SLC35D2: variants seen among roughly 807,000 people sequenced by gnomAD.
The protein encoded by SLC35D2 is nucleotide sugar transporter SLC35D2.
Under a neutral mutation model 41.8 loss-of-function variants are expected in SLC35D2, and 43 were observed. That is an observed-to-expected ratio of 1.03 (90% CI 0.81 to 1.33). The LOEUF (loss-of-function observed/expected upper bound fraction) is 1.33, where lower values mean the gene tolerates loss of function less well. Ranked by LOEUF, SLC35D2 falls within the 40% of genes most tolerant of loss-of-function variation. The probability of loss-of-function intolerance (pLI) is 0.00; values close to 1 mark genes in which losing one functional copy is unlikely to be tolerated. For missense variants in SLC35D2, 380 were observed against 408.4 expected (o/e 0.93, Z 0.60); for synonymous variants, 150 against 163.9 (o/e 0.92, Z 0.65).
downstream of SLC35D2, among the ~76,000 whole-genome samples, chr9:96,319,359 CTT>C (rs950503379): frequency 6.6e-6 from 1 of 152,008 alleles, no homozygotes; most frequent in African/African-American, 2.4e-5. Flanking sequence ...AATGGGAGTT[CTT>C]GTTTCATGGG....
chr9:96,366,354 T>C (rs1251408803), intron 2 of SLC35D2, among the ~76,000 whole-genome samples: 1 of 149,078 alleles, frequency 6.7e-6, no homozygotes, highest in Non-Finnish European at 1.5e-5. Flanking sequence ...AAAATAAATA[T>C]ACTAACACTT....
At chr9:96,344,718 G>C (rs1309437962) in intron 7 of SLC35D2, among the ~76,000 whole-genome samples, 1 of 147,282 alleles carries the variant, frequency 6.8e-6, no homozygotes, top group African/African-American at 2.6e-5. Flanking sequence ...AGCTGGGGGT[G>C]GGGGAGGGAT....
chr9:96,316,264 G>A (rs1248483924), downstream of SLC35D2, among the ~76,000 whole-genome samples: 5 of 152,290 alleles, frequency 3.3e-5, no homozygotes, highest in East Asian at 9.7e-4. Context: ...ACTTTGGGAG[G>A]CTGAGGCAGG....
At chr9:96,373,633 G>C (rs1177160079) in intron 1 of SLC35D2, among the ~76,000 whole-genome samples, 2 of 149,660 alleles carry the variant, frequency 1.3e-5, no homozygotes, top group Non-Finnish European at 2.9e-5. Flanking sequence ...GTTGCAGTGA[G>C]CAGAGATCAC....
intron 3 of SLC35D2, among the ~76,000 whole-genome samples, chr9:96,363,876 A>G (rs150898479): frequency 9.6e-4 from 146 of 152,352 alleles, no homozygotes; most frequent in Non-Finnish European, 2.0e-3. Flanking sequence ...CCCTTTACCA[A>G]AAAAGTTTGC....
At chr9:96,326,555 G>A (rs997784877) in intron 9 of SLC35D2, among the ~76,000 whole-genome samples, 2 of 152,190 alleles carry the variant, frequency 1.3e-5, no homozygotes, top group Non-Finnish European at 2.9e-5. Flanking sequence ...TGTAATCCCA[G>A]CAGTTTGGGA....
chr9:96,323,959 G>C, intron 10 of SLC35D2, 132 bp downstream of exon 10: 1 of 675,534 alleles, frequency 1.5e-6, no homozygotes, highest in Non-Finnish European at 2.6e-6. Flanking sequence ...GATCACACAG[G>C]CCGAGCTGAA....
chr9:96,358,503 G>C (rs752853723), intron 4 of SLC35D2, among the ~76,000 whole-genome samples: 1 of 152,092 alleles, frequency 6.6e-6, no homozygotes, highest in Non-Finnish European at 1.5e-5. Context: ...ACACATATTT[G>C]ATAAAGGACT....
intron 10 of SLC35D2, 122 bp from the exon 11 acceptor site, chr9:96,322,202 T>C: frequency 1.6e-6 from 1 of 637,584 alleles, no homozygotes; most frequent in East Asian, 2.6e-5. Context: ...CATAGGGATA[T>C]TCACAGGTGG....
At chr9:96,355,740 A>G (rs907955609) in intron 4 of SLC35D2, among the ~76,000 whole-genome samples, 1 of 152,022 alleles carries the variant, frequency 6.6e-6, no homozygotes, top group Non-Finnish European at 1.5e-5. Flanking sequence ...CAGGTGATCC[A>G]CCTGCCTTGG....
chr9:96,362,336 C>T (rs1830310399), intron 3 of SLC35D2, among the ~76,000 whole-genome samples: 1 of 152,056 alleles, frequency 6.6e-6, no homozygotes, highest in Admixed American at 6.6e-5. Context: ...GGAGAAACCC[C>T]ATCTCTTCTA....
chr9:96,341,157 C>T (rs1331760989), intron 8 of SLC35D2, among the ~76,000 whole-genome samples: 1 of 151,788 alleles, frequency 6.6e-6, no homozygotes, highest in African/African-American at 2.4e-5. Flanking sequence ...TGTGGTGGTG[C>T]GCTCCTGTAA....
Position 96,360,323 on chromosome 9 carries a change from CA to C in SLC35D2, c.280-103del, listed in dbSNP as rs1830209978. On this transcript the variant is annotated intron_variant, in intron 3 of 11. Transcript: ENST00000253270. The stretch of plus-strand genomic sequence containing the variant: ...CAGATACTTCACCAGAGAGGATCTT[CA>C]AACAGGCATTAAAAAAATGATTTTG... 9 of 909,608 alleles carry C rather than the reference CA, an allele frequency of 9.9e-6. No homozygotes were observed. In the East Asian group the frequency reaches 2.4e-4, roughly 24 times the overall value. 56.3% of individuals were successfully genotyped at this position (909,608 alleles called of 1,614,324 possible).
intron 9 of SLC35D2, among the ~76,000 whole-genome samples, chr9:96,335,465 T>G (rs1404370538): frequency 6.6e-6 from 1 of 152,126 alleles, no homozygotes; most frequent in East Asian, 1.9e-4. Context: ...GTTCAAGCGA[T>G]TCTTCTGCCT....
intron 3 of SLC35D2, among the ~76,000 whole-genome samples, chr9:96,362,772 A>G (rs767867807): frequency 3.3e-5 from 5 of 152,128 alleles, no homozygotes; most frequent in African/African-American, 4.8e-5. Context: ...AGAGTAAGTA[A>G]GCCCAGTAAT....
intron 9 of SLC35D2, 78 bp downstream of exon 9, chr9:96,336,639 T>C (rs143564311): frequency 8.1e-6 from 7 of 859,946 alleles, no homozygotes; most frequent in South Asian, 3.2e-5. Context: ...TCTGACAGAA[T>C]AGACAGAAGG....
At chr9:96,340,486 G>A (rs1829266396) in intron 8 of SLC35D2, among the ~76,000 whole-genome samples, 1 of 151,474 alleles carries the variant, frequency 6.6e-6, no homozygotes. Flanking sequence ...GCATCATGGT[G>A]GCGGGCGCCT....
chr9:96,339,727 C>T (rs1285873607), intron 8 of SLC35D2, among the ~76,000 whole-genome samples: 3 of 152,006 alleles, frequency 2.0e-5, no homozygotes, highest in Non-Finnish European at 4.4e-5. Context: ...GATTCAAATA[C>T]TAAAGAAAGT....
At position 96,330,305 on chromosome 9, in the gene SLC35D2, C is replaced by A. The variant is rs553656262; in HGVS notation, c.753-6136G>T. 1.8e-4 allele frequency among the ~76,000 whole-genome samples: 27 copies of A among 152,322 alleles called. No individual in the cohort carries two copies. In the East Asian group the frequency reaches 2.1e-3, roughly 12 times the overall value. On this transcript the variant is annotated intron_variant, in intron 9 of 11. Coordinates refer to ENST00000253270, the MANE Select transcript of SLC35D2 (RefSeq NM_007001.3). ...ACAGGCCAATCTCCTGTGGAAACCC[C>A]CACACATATACACACACACAGACAC... is the stretch of plus-strand genomic sequence containing the variant.
Sources: allele counts gnomAD v4.1 joint callset (sites outside exome capture counted in the v4.1 genomes callset), GRCh38; gene constraint gnomAD v4.1.1; transcripts MANE v1.5; gene names NCBI Gene and HGNC (gene_info 2026-07-23, HGNC 2026-07-21).